Variants in FAP observed in about 807,000 individuals in gnomAD.
FAP encodes prolyl endopeptidase FAP.
In FAP, 110 loss-of-function variants were observed where a neutral mutation model predicts 126.5. The observed-to-expected ratio is 0.87, with a 90% CI of 0.74 to 1.02. The LOEUF (loss-of-function observed/expected upper bound fraction) is 1.02. FAP is among the 50% of genes least tolerant of loss of function. The pLI, the probability that FAP is intolerant of heterozygous loss-of-function variation, is 0.00. For missense variants in FAP, 919 were observed against 909.2 expected (o/e 1.01, Z -0.14); for synonymous variants, 334 against 297.3 (o/e 1.12, Z -1.27).
Position 162,223,506 on chromosome 2 carries a change from A to T in FAP, c.413+102T>A, listed in dbSNP as rs13431625. 563 of 760,974 alleles carry T rather than the reference A, an allele frequency of 7.4e-4. 3 individuals carry two copies. In the African/African-American group the frequency reaches 9.2e-3, roughly 12 times the overall value. 47.1% of individuals were successfully genotyped at this position (760,974 alleles called of 1,614,324 possible). A position where few individuals can be genotyped will look rare whatever the true frequency, so the allele number is the denominator to read the frequency against. On this transcript the variant is annotated intron_variant, in intron 6 of 25. Coordinates refer to ENST00000188790, the MANE Select transcript of FAP (RefSeq NM_004460.5). ...TATTACTAAAAAGTAAGAAACAAAG[A>T]TCATTAAGAAGATAAAGTCTTCTTA...
At chr2:162,235,376 C>G (rs1200513790) in intron 2 of FAP, among the ~76,000 whole-genome samples, 4 of 152,278 alleles carry the variant, frequency 2.6e-5, no homozygotes, top group African/African-American at 9.6e-5. Flanking sequence ...CAGCTGGGCT[C>G]CTGAGGTTAG....
rs756165066 is a variant in FAP, at chr2:162,203,037, G to A, written c.1152+4C>T. 20 of 1,607,128 alleles carry A rather than the reference G, an allele frequency of 1.2e-5. No individual in the cohort carries two copies. The Admixed American group carries it at 1.5e-4, about 12-fold the overall frequency. ...TGAGGAGATAAATCTTGGAAGGAAC[G>A]TACCACAGTGTCTTTGATATAGTGA... is the stretch of plus-strand genomic sequence containing the variant. On this transcript the variant is annotated splice_donor_region_variant and intron_variant, in intron 13 of 25. Coordinates refer to ENST00000188790, the MANE Select transcript of FAP (RefSeq NM_004460.5).
intron 2 of FAP, among the ~76,000 whole-genome samples, chr2:162,233,530 A>G (rs959441529): frequency 6.6e-6 from 1 of 152,138 alleles, no homozygotes; most frequent in Non-Finnish European, 1.5e-5. Context: ...CTTCCTTAGC[A>G]AAATGTCTGT....
chr2:162,181,138 G>A (rs779066349), intron 21 of FAP, among the ~76,000 whole-genome samples: 1 of 151,940 alleles, frequency 6.6e-6, no homozygotes, highest in Non-Finnish European at 1.5e-5. Flanking sequence ...TTAGCCAGGC[G>A]TGGTGGGATG....
chr2:162,240,778 T>C (rs1690316200), intron 2 of FAP, among the ~76,000 whole-genome samples: 1 of 152,312 alleles, frequency 6.6e-6, no homozygotes, highest in African/African-American at 2.4e-5. Context: ...GGAGCTCGCT[T>C]AGCTTTGAAT....
At chr2:162,188,434 C>A in intron 19 of FAP, 71 bp from the exon 20 acceptor site, 1 of 1,317,826 alleles carries the variant, frequency 7.6e-7, no homozygotes, top group Non-Finnish European at 1.1e-6. Flanking sequence ...CCTGGCCAAG[C>A]ATTGCTTCTA....
intron 20 of FAP, among the ~76,000 whole-genome samples, chr2:162,183,891 G>A (rs1177821680): frequency 1.3e-5 from 2 of 151,934 alleles, no homozygotes; most frequent in Non-Finnish European, 2.9e-5. Context: ...TTATCACATT[G>A]TTGTTAATGA....
chr2:162,201,022 G>C (rs1302491356), intron 14 of FAP, among the ~76,000 whole-genome samples: 1 of 152,122 alleles, frequency 6.6e-6, no homozygotes, highest in African/African-American at 2.4e-5. Flanking sequence ...CCTGTCAATA[G>C]ATGGGTTTGC....
At chr2:162,218,363 T>C (rs1275386233) in intron 8 of FAP, among the ~76,000 whole-genome samples, 1 of 152,144 alleles carries the variant, frequency 6.6e-6, no homozygotes, top group Non-Finnish European at 1.5e-5. Context: ...AAAATGACAT[T>C]AATCAGAAAT....
chr2:162,188,414 A>G (rs1312685346), intron 19 of FAP, 51 bp from the exon 20 acceptor site: 2 of 1,506,234 alleles, frequency 1.3e-6, no homozygotes, highest in Admixed American at 1.8e-5. Flanking sequence ...TGTAAAACTC[A>G]ATTTCCCATC....
rs1689283292 is a variant in FAP at position 162,219,193 on chromosome 2, G to A, written c.487-10C>T. On this transcript the variant is annotated splice_polypyrimidine_tract_variant and intron_variant, in intron 7 of 25. Transcript: ENST00000188790. Reference sequence around the variant, plus strand: ...TTTGATAGACATATGCCTAAAAGTGGTGGTAAGGGGAAATTCCACAACAAA... The same window carrying A: ...TTTGATAGACATATGCCTAAAAGTGATGGTAAGGGGAAATTCCACAACAAA... The A allele has an allele frequency of 5.6e-6, 9 of 1,598,196 alleles. No homozygotes were observed. The highest frequency in any genetic ancestry group is 6.8e-6 in the Non-Finnish European group (8 of 1,172,912).
chr2:162,190,129 G>A, intron 17 of FAP, among the ~76,000 whole-genome samples: 1 of 151,834 alleles, frequency 6.6e-6, no homozygotes, highest in East Asian at 1.9e-4. Context: ...AAAATGTAGT[G>A]GAAATACAAT....
Position 162,194,942 on chromosome 2 carries a change from A to G in FAP, c.1403-194T>C, listed in dbSNP as rs1323859430. 3 of 585,526 alleles carry G rather than the reference A, an allele frequency of 5.1e-6. No homozygotes were observed. The East Asian group carries it at 8.6e-5, about 17-fold the overall frequency. 36.3% of individuals were successfully genotyped at this position (585,526 alleles called of 1,614,324 possible). On this transcript the variant is annotated intron_variant, in intron 16 of 25. Coordinates refer to ENST00000188790, the MANE Select transcript of FAP (RefSeq NM_004460.5). Reference sequence around the variant, plus strand: ...TAAACAATACATGAGATCAAAGCCCACTCAAAGAACAGCTGTGAAAGAAGC... The same window carrying G: ...TAAACAATACATGAGATCAAAGCCCGCTCAAAGAACAGCTGTGAAAGAAGC...
At chr2:162,217,484 G>A (rs1391447656) in intron 9 of FAP, among the ~76,000 whole-genome samples, 1 of 152,090 alleles carries the variant, frequency 6.6e-6, no homozygotes, top group Non-Finnish European at 1.5e-5. Flanking sequence ...CAAAAACTAT[G>A]GGTTCACACC....
intron 2 of FAP, among the ~76,000 whole-genome samples, chr2:162,228,001 G>A (rs773196022): frequency 6.6e-6 from 1 of 152,104 alleles, no homozygotes; most frequent in African/African-American, 2.4e-5. Context: ...GTATATTTGA[G>A]TGATTATTTG....
At chr2:162,194,346 A>G (rs1012027464) in intron 17 of FAP, among the ~76,000 whole-genome samples, 1 of 151,790 alleles carries the variant, frequency 6.6e-6, no homozygotes, top group African/African-American at 2.4e-5. Flanking sequence ...AAAAAAAAAA[A>G]ACACCCTAGG....
At chr2:162,218,440 G>T (rs1352278052) in intron 8 of FAP, among the ~76,000 whole-genome samples, 2 of 151,918 alleles carry the variant, frequency 1.3e-5, no homozygotes, top group African/African-American at 2.4e-5. Flanking sequence ...GCAGTTTCAG[G>T]TTTTTTAGTC....
chr2:162,188,075 C>A, intron 20 of FAP, 94 bp downstream of exon 20: 4 of 1,048,906 alleles, frequency 3.8e-6, no homozygotes, highest in African/African-American at 1.6e-5. Flanking sequence ...AAAAGAAAAA[C>A]AAAAGAATTA....
chr2:162,193,457 C>G (rs1377046306), intron 17 of FAP: 1 of 152,134 alleles, frequency 6.6e-6, no homozygotes, highest in Non-Finnish European at 1.5e-5. Flanking sequence ...GTACACAGAT[C>G]TGCCAGGAAT....
Sources: gnomAD v4.1 joint callset for allele counts (sites outside exome capture counted in the v4.1 genomes callset) on GRCh38, gnomAD v4.1.1 for gene constraint, MANE v1.5 for transcripts, NCBI Gene and HGNC (gene_info 2026-07-23, HGNC 2026-07-21) for gene names.